The following KCNH1 variants were observed in gnomAD, a reference collection of about 807,000 sequenced individuals.
KCNH1 encodes potassium voltage-gated channel subfamily H member 1, also known as voltage-gated delayed rectifier potassium channel KCNH1.
A neutral mutation model predicts 69.2 loss-of-function variants in KCNH1; 27 were observed. That is an observed-to-expected ratio of 0.39 (90% CI 0.29 to 0.54). KCNH1 has a LOEUF of 0.54. KCNH1 is among the 20% of genes least tolerant of loss of function. KCNH1 has a pLI of 0.68. For missense variants in KCNH1, 798 were observed against 1,261.6 expected, an observed-to-expected ratio of 0.63 and a Z score of 5.57; for synonymous variants, 456 against 487.7, an observed-to-expected ratio of 0.93 and a Z score of 0.86.
intron 10 of KCNH1, among the ~76,000 whole-genome samples, chr1:210,705,262 A>T (rs924733658): frequency 6.6e-6 from 1 of 152,252 alleles, no homozygotes; most frequent in Non-Finnish European, 1.5e-5. Flanking sequence ...GCAGGCCTGC[A>T]GATTCTCATT....
At chr1:211,094,057 T>C (rs1226891403) in intron 3 of KCNH1, among the ~76,000 whole-genome samples, 1 of 152,204 alleles carries the variant, frequency 6.6e-6, no homozygotes, top group Non-Finnish European at 1.5e-5. Flanking sequence ...GTCATAAAAG[T>C]AGTATCTTAT....
chr1:211,011,794 C>T (rs1190468937), intron 6 of KCNH1, among the ~76,000 whole-genome samples: 2 of 152,198 alleles, frequency 1.3e-5, no homozygotes, highest in African/African-American at 4.8e-5. Flanking sequence ...TCTACAGTCC[C>T]GTCTTCCATG....
chr1:210,919,822 C>T lies in KCNH1; in HGVS notation c.1280G>A (p.Gly427Asp). ...AGACCCATTAAACTGGTAAGGGGTG[C>T]CAATGTCCATCGCTAGTTGGTACAG... is the stretch of plus-strand genomic sequence containing the variant. ...SWLYQLAMDI[G>D]TPYQFNGSGS... is the part of the protein sequence containing the mutation. The change falls in exon 7 of 11, where the codon GGC becomes GAC. Residue 427 changes from glycine (G) to aspartate (D), a missense_variant. Gly to Asp is a moderately conservative substitution (Grantham distance 94). Transcript: ENST00000271751. The surrounding 1 kb of genome is among the most constrained non-coding windows in gnomAD (Gnocchi z 4.2). 6.2e-7 allele frequency: 1 copy of T among 1,614,164 alleles called. No homozygotes were observed. The highest frequency in any genetic ancestry group is 1.7e-5 in the Admixed American group (1 of 60,016).
At chr1:211,131,791 T>C (rs1347783394) in intron 1 of KCNH1, among the ~76,000 whole-genome samples, 1 of 152,178 alleles carries the variant, frequency 6.6e-6, no homozygotes, top group African/African-American at 2.4e-5. Context: ...TCTGAAATAA[T>C]AATTTTAAAA....
chr1:210,900,554 A>G (rs1686973814), intron 7 of KCNH1, among the ~76,000 whole-genome samples: 2 of 152,214 alleles, frequency 1.3e-5, no homozygotes, highest in Admixed American at 1.3e-4. Flanking sequence ...TTTCTGGAAC[A>G]GAACTCTGGG....
chr1:210,729,623 G>T (rs1370590930), intron 10 of KCNH1, among the ~76,000 whole-genome samples: 1 of 152,186 alleles, frequency 6.6e-6, no homozygotes, highest in Non-Finnish European at 1.5e-5. Flanking sequence ...GCAATTGACT[G>T]TCATTAGTAA....
In KCNH1 at chr1:211,003,354, G is replaced by A. The variant is rs77883584; in HGVS notation, c.1032+15429C>T. 3.8e-3 allele frequency among the ~76,000 whole-genome samples: 578 copies of A among 152,276 alleles called. 16 individuals are homozygous for A. In the South Asian group the frequency reaches 0.076, roughly 20 times the overall value. On this transcript the variant is annotated intron_variant, in intron 6 of 10. Coordinates refer to ENST00000271751, the MANE Select transcript of KCNH1 (RefSeq NM_172362.3). ...TGCCTCCAACAAGTCACCATAGGAT[G>A]CCTGCATCCCTTGACCAAAATATAA...
At chr1:210,788,778 G>A (rs1427220568) in intron 9 of KCNH1, among the ~76,000 whole-genome samples, 2 of 127,944 alleles carry the variant, frequency 1.6e-5, no homozygotes, top group Admixed American at 9.1e-5. Context: ...CTCACTGCAA[G>A]CTCCGCCTCC....
chr1:211,080,898 T>C (rs926065092), intron 5 of KCNH1, among the ~76,000 whole-genome samples: 2 of 152,166 alleles, frequency 1.3e-5, no homozygotes, highest in African/African-American at 4.8e-5. Flanking sequence ...ATTCAGGACA[T>C]AGGCATGGGC....
intron 6 of KCNH1, among the ~76,000 whole-genome samples, chr1:211,003,895 C>G (rs1389519918): frequency 6.6e-6 from 1 of 152,110 alleles, no homozygotes; most frequent in Non-Finnish European, 1.5e-5. Flanking sequence ...AGATGGAGAC[C>G]ATCCTGGCTA....
chr1:210,826,870 C>A (rs942447876), intron 7 of KCNH1, among the ~76,000 whole-genome samples: 1 of 152,240 alleles, frequency 6.6e-6, no homozygotes, highest in Non-Finnish European at 1.5e-5. Flanking sequence ...GCTGTGCAAG[C>A]ACAGAGCCTG....
chr1:210,930,579 G>C (rs907132805), intron 6 of KCNH1, among the ~76,000 whole-genome samples: 1 of 152,008 alleles, frequency 6.6e-6, no homozygotes, highest in Non-Finnish European at 1.5e-5. Context: ...ACCATAAAGA[G>C]TCTAGAAGAT....
At chr1:210,791,012 T>G (rs1433184248) in intron 9 of KCNH1, among the ~76,000 whole-genome samples, 1 of 152,164 alleles carries the variant, frequency 6.6e-6, no homozygotes, top group Non-Finnish European at 1.5e-5. Context: ...TCCCTAGGCC[T>G]CAGCTCACAT....
chr1:210,764,758 G>A (rs192016614), intron 10 of KCNH1, among the ~76,000 whole-genome samples: 1 of 152,296 alleles, frequency 6.6e-6, no homozygotes, highest in East Asian at 1.9e-4. Context: ...CATACTGTTG[G>A]TGGGAATGCC....
At position 211,068,481 on chromosome 1, in the gene KCNH1, C is replaced by T. The variant is rs541716343; in HGVS notation, c.558+14299G>A. ...CACAATCTTGGCTCACTGCAACCTCCGCCTCCCAGGTTCTAGTGATTCTTC... is the reference window on the plus strand; with the variant it reads ...CACAATCTTGGCTCACTGCAACCTCTGCCTCCCAGGTTCTAGTGATTCTTC... On this transcript the variant is annotated intron_variant, in intron 5 of 10. Transcript: ENST00000271751. Among the ~76,000 whole-genome samples the T allele has an allele frequency of 4.6e-5, 7 of 152,184 alleles. No individual in the cohort carries two copies. The East Asian group carries it at 5.8e-4, about 13-fold the overall frequency.
At chr1:210,722,541 A>C (rs1403080007) in intron 10 of KCNH1, among the ~76,000 whole-genome samples, 1 of 152,194 alleles carries the variant, frequency 6.6e-6, no homozygotes, top group Admixed American at 6.5e-5. Flanking sequence ...TTGATGGCAC[A>C]GATGAGTCCT....
chr1:211,132,434 A>C (rs1429251357), intron 1 of KCNH1, among the ~76,000 whole-genome samples: 1 of 152,210 alleles, frequency 6.6e-6, no homozygotes, highest in Non-Finnish European at 1.5e-5. Flanking sequence ...TAGTTTGAAT[A>C]AGGAAGACCT....
At chr1:210,695,224 A>G (rs1434961509) in intron 10 of KCNH1, among the ~76,000 whole-genome samples, 1 of 152,230 alleles carries the variant, frequency 6.6e-6, no homozygotes, top group Non-Finnish European at 1.5e-5. Context: ...CAACAACTCA[A>G]GTCCTTTACT....
chr1:210,770,479 C>G (rs745888162), intron 10 of KCNH1, among the ~76,000 whole-genome samples: 3 of 152,258 alleles, frequency 2.0e-5, no homozygotes, highest in Non-Finnish European at 2.9e-5. Flanking sequence ...AGGCACATAG[C>G]TGGTCAGCAG....
Sources: gnomAD v4.1 joint callset for allele counts (sites outside exome capture counted in the v4.1 genomes callset) on GRCh38, gnomAD v4.1.1 for gene constraint, Gnocchi (gnomAD v3.1) non-coding constraint, MANE v1.5 for transcripts, NCBI Gene and HGNC (gene_info 2026-07-23, HGNC 2026-07-21) for gene names.